GFPT2: variants seen among roughly 807,000 people sequenced by gnomAD.
GFPT2 encodes the protein glutamine--fructose-6-phosphate transaminase 2, also known as glutamine--fructose-6-phosphate aminotransferase [isomerizing] 2.
GFPT2 carries 62 observed loss-of-function variants against 85.6 expected under a neutral mutation model. The ratio of observed to expected loss-of-function variants is 0.72; its 90% CI spans 0.59 to 0.90. The LOEUF (loss-of-function observed/expected upper bound fraction) is 0.90. GFPT2 is among the 40% of genes least tolerant of loss of function. The pLI is 0.00. For missense variants in GFPT2, 788 were observed against 893.4 expected (o/e 0.88, Z 1.50); for synonymous variants, 368 against 344.5 (o/e 1.07, Z -0.75).
In GFPT2 at chr5:180,304,771, C is replaced by A; in HGVS notation, c.1842+1G>T. ...GGCCCAGTCCAGTGGAGAGCCCTCA[C>A]CTGGCGGGCCGTGACTTGCTGCAGG... On this transcript the variant is annotated splice_donor_variant, in intron 17 of 18. Coordinates refer to ENST00000253778, the MANE Select transcript of GFPT2 (RefSeq NM_005110.4). LOFTEE classifies it high-confidence loss of function. The A allele has an allele frequency of 6.2e-7, 1 of 1,611,488 alleles. No homozygotes were observed. The highest frequency in any genetic ancestry group is 8.5e-7 in the Non-Finnish European group (1 of 1,178,488).
At chr5:180,324,119 C>T (rs748018599) in intron 9 of GFPT2, 69 bp downstream of exon 9, 7 of 864,778 alleles carry the variant, frequency 8.1e-6, no homozygotes, top group African/African-American at 3.3e-5. Flanking sequence ...GAATAAGAAC[C>T]GGCAGTGTTT....
intron 1 of GFPT2, among the ~76,000 whole-genome samples, chr5:180,340,086 G>A (rs1423348225): frequency 6.6e-6 from 1 of 152,194 alleles, no homozygotes; most frequent in East Asian, 1.9e-4. Flanking sequence ...CAAGATCAAG[G>A]TGCCAGAGAT....
At chr5:180,350,909 C>A (rs1375750047) in intron 1 of GFPT2, among the ~76,000 whole-genome samples, 1 of 152,174 alleles carries the variant, frequency 6.6e-6, no homozygotes, top group Non-Finnish European at 1.5e-5. Flanking sequence ...GGTCTCCGCC[C>A]CTGAGGGAAC....
At chr5:180,342,864 T>C (rs996173385) in intron 1 of GFPT2, among the ~76,000 whole-genome samples, 1 of 151,376 alleles carries the variant, frequency 6.6e-6, no homozygotes, top group Non-Finnish European at 1.5e-5. Context: ...ATCACGCCAC[T>C]GCACTCCAGC....
chr5:180,339,239 G>A (rs1431908280), intron 1 of GFPT2, among the ~76,000 whole-genome samples: 4 of 152,074 alleles, frequency 2.6e-5, no homozygotes, highest in African/African-American at 2.4e-5. Context: ...AATTAGCTGG[G>A]TGTGGTGGTG....
intron 16 of GFPT2, among the ~76,000 whole-genome samples, chr5:180,305,809 A>C (rs1266557810): frequency 6.6e-6 from 1 of 152,100 alleles, no homozygotes; most frequent in Non-Finnish European, 1.5e-5. Context: ...GCACTCCAAG[A>C]AGCAGCACCT....
chr5:180,338,495 G>C lies in GFPT2; in HGVS notation c.113C>G (p.Ala38Gly). 6.3e-7 allele frequency: 1 copy of C among 1,585,854 alleles called. No homozygotes were observed. The highest frequency in any genetic ancestry group is 8.7e-7 in the Non-Finnish European group (1 of 1,155,380). ...GAGGCGGGCGGCCGCACACCCACCT[G>C]CCGAGTCGTAGCCTCTGTACTCCAG... The part of the protein sequence containing the change: ...QRLEYRGYDS[A>G]GVAIDGNNHE... The change falls in exon 2 of 19, where the codon GCA becomes GGA. Residue 38 changes from alanine to glycine, a missense_variant and splice_region_variant. Physicochemically the swap from Ala to Gly is moderately conservative, Grantham distance 60. Coordinates refer to ENST00000253778, the MANE Select transcript of GFPT2 (RefSeq NM_005110.4).
chr5:180,324,594 A>G (rs1764178074), intron 8 of GFPT2: 1 of 593,226 alleles, frequency 1.7e-6, no homozygotes, highest in African/African-American at 1.9e-5. Context: ...GTTTGACAAT[A>G]TACAAAATCA....
In GFPT2 at chr5:180,313,881, T is replaced by TGCCCACGGTGTTGGTGAC. The variant is rs759042416; in HGVS notation, c.1339_1356dup (p.Val447_Gly452dup). The stretch of plus-strand genomic sequence containing the variant: ...CAGTCGGTCTCGCGAGAGATGGAGC[T>TGCCCACGGTGTTGGTGAC]GCCCACGGTGTTGGTGACGCCCACG... On this transcript the variant is annotated inframe_insertion, in exon 14 of 19. Coordinates refer to ENST00000253778, the MANE Select transcript of GFPT2 (RefSeq NM_005110.4). 3.2e-5 allele frequency: 52 copies of TGCCCACGGTGTTGGTGAC among 1,606,630 alleles called. No homozygotes were observed. In the African/African-American group the frequency reaches 5.7e-4, roughly 18 times the overall value.
chr5:180,350,123 C>T (rs1239657534), intron 1 of GFPT2, among the ~76,000 whole-genome samples: 1 of 152,022 alleles, frequency 6.6e-6, no homozygotes, highest in Non-Finnish European at 1.5e-5. Flanking sequence ...CCCCTTCTTC[C>T]TAGGAAGGTC....
chr5:180,352,270 T>A (rs1335638918), intron 1 of GFPT2: 4 of 373,540 alleles, frequency 1.1e-5, no homozygotes, highest in Non-Finnish European at 2.0e-5. Flanking sequence ...AGGCCTTTCA[T>A]GGCTTCGAAA....
chr5:180,303,090 T>C (rs6873631), intron 17 of GFPT2, among the ~76,000 whole-genome samples: 3,593 of 112,618 alleles, frequency 0.032, 336 homozygotes, highest in African/African-American at 0.087. Flanking sequence ...ATTAGCCGGG[T>C]GTGGTGGCGG....
chr5:180,333,222 ATT>A (rs1159471594), intron 4 of GFPT2, among the ~76,000 whole-genome samples: 1 of 150,438 alleles, frequency 6.6e-6, no homozygotes, highest in East Asian at 2.0e-4. Context: ...CTATGGTGAT[ATT>A]GTTTCTTTTT....
intron 13 of GFPT2, 70 bp downstream of exon 13, chr5:180,316,267 CTGAA>C: frequency 6.6e-7 from 1 of 1,513,700 alleles, no homozygotes; most frequent in Non-Finnish European, 9.1e-7. Context: ...GAGGACTTAA[CTGAA>C]TGAAGGAGAA....
intron 2 of GFPT2, among the ~76,000 whole-genome samples, chr5:180,337,818 A>T (rs1764430671): frequency 6.6e-6 from 1 of 151,904 alleles, no homozygotes; most frequent in African/African-American, 2.4e-5. Flanking sequence ...CTCTTTATGT[A>T]TTGTTCTGTG....
rs1561880002 is a variant in GFPT2, at chr5:180,330,130, G to A, written c.534+570C>T. On this transcript the variant is annotated intron_variant, in intron 6 of 18. Transcript: ENST00000253778. The surrounding 1 kb of genome is among the most constrained non-coding windows in gnomAD (Gnocchi z 4.4). ...AAAGTCAGGAGTTCGAGACCAGCCTGGTCAACATAGTGAAACCCTGTCTCT... is the reference window on the plus strand; with the variant it reads ...AAAGTCAGGAGTTCGAGACCAGCCTAGTCAACATAGTGAAACCCTGTCTCT... Among the ~76,000 whole-genome samples, 1 of 152,176 alleles carries A rather than the reference G, an allele frequency of 6.6e-6. No homozygotes were observed. The highest frequency in any genetic ancestry group is 1.5e-5 in the Non-Finnish European group (1 of 68,032).
chr5:180,303,331 C>G (rs141987239), intron 17 of GFPT2, among the ~76,000 whole-genome samples: 1 of 152,132 alleles, frequency 6.6e-6, no homozygotes, highest in East Asian at 1.9e-4. Context: ...CTCTCAAAAA[C>G]AGGAGACATC....
At chr5:180,319,113 T>C (rs1477037031) in intron 9 of GFPT2, among the ~76,000 whole-genome samples, 157 bp from the exon 10 acceptor site, 1 of 152,212 alleles carries the variant, frequency 6.6e-6, no homozygotes, top group African/African-American at 2.4e-5. Flanking sequence ...TGAATCTTCC[T>C]TTTCTTCTCC....
chr5:180,351,615 A>G (rs1308236527), intron 1 of GFPT2, among the ~76,000 whole-genome samples: 3 of 152,220 alleles, frequency 2.0e-5, no homozygotes, highest in African/African-American at 7.2e-5. Flanking sequence ...AAATCTGAAG[A>G]TACAGGTGGT....
Sources: allele counts gnomAD v4.1 joint callset (sites outside exome capture counted in the v4.1 genomes callset), GRCh38; gene constraint gnomAD v4.1.1; non-coding constraint Gnocchi (gnomAD v3.1); transcripts MANE v1.5; gene names NCBI Gene and HGNC (gene_info 2026-07-23, HGNC 2026-07-21).